Variants in SLC20A2 observed in about 807,000 individuals in gnomAD.
SLC20A2 encodes the protein solute carrier family 20 member 2, also known as sodium-dependent phosphate transporter 2.
A neutral mutation model predicts 61.0 loss-of-function variants in SLC20A2; 30 were observed. The observed-to-expected ratio is 0.49, with a 90% CI of 0.37 to 0.67. SLC20A2 has a LOEUF of 0.67. Ranked by LOEUF, SLC20A2 falls within the 30% of genes least tolerant of loss-of-function variation. SLC20A2 has a pLI of 0.00. For synonymous variants in SLC20A2, 351 were observed against 353.3 expected, an observed-to-expected ratio of 0.99 and a Z score of 0.07; for missense variants, 626 against 866.4, an observed-to-expected ratio of 0.72 and a Z score of 3.48.
At chr8:42,526,534 G>A (rs555217059) in intron 1 of SLC20A2, among the ~76,000 whole-genome samples, 3 of 152,002 alleles carry the variant, frequency 2.0e-5, no homozygotes, top group African/African-American at 4.8e-5. Flanking sequence ...TTAGCTGGGT[G>A]TGGTGGTGGG....
At chr8:42,536,936 G>A (rs761737374) in intron 1 of SLC20A2, among the ~76,000 whole-genome samples, 4 of 152,038 alleles carry the variant, frequency 2.6e-5, no homozygotes, top group Admixed American at 1.3e-4. Flanking sequence ...TTAGCTGGGC[G>A]TAGTGGCAAG....
intron 1 of SLC20A2, among the ~76,000 whole-genome samples, chr8:42,486,011 A>G (rs991917492): frequency 6.6e-6 from 1 of 152,014 alleles, no homozygotes; most frequent in Non-Finnish European, 1.5e-5. Flanking sequence ...GAGCTTTCTT[A>G]TAAACTGGAG....
upstream of SLC20A2, among the ~76,000 whole-genome samples, chr8:42,502,131 A>G (rs1810358415): frequency 6.6e-6 from 1 of 151,580 alleles, no homozygotes; most frequent in Non-Finnish European, 1.5e-5. Context: ...TCAAATCTCC[A>G]AGCATCTTTG....
chr8:42,487,097 T>G (rs1196463397), intron 1 of SLC20A2, among the ~76,000 whole-genome samples: 2 of 151,774 alleles, frequency 1.3e-5, no homozygotes, highest in Admixed American at 6.6e-5. Flanking sequence ...ACTCCTGACC[T>G]CAAGTGATCC....
upstream of SLC20A2, among the ~76,000 whole-genome samples, chr8:42,503,300 T>A (rs1225814648): frequency 1.3e-5 from 2 of 152,236 alleles, no homozygotes; most frequent in Non-Finnish European, 2.9e-5. Flanking sequence ...CAGAGTACCT[T>A]GAAAAGCAGA....
At chr8:42,525,364 T>C (rs1380472394) in intron 1 of SLC20A2, among the ~76,000 whole-genome samples, 1 of 151,966 alleles carries the variant, frequency 6.6e-6, no homozygotes, top group Non-Finnish European at 1.5e-5. Flanking sequence ...GGTGGATCAC[T>C]TGAGGTTGGG....
At position 42,518,065 on chromosome 8, in the gene SLC20A2, A is replaced by G. The variant is rs187397252; in HGVS notation, c.-265+23756T>C. On this transcript the variant is annotated intron_variant, in intron 1 of 10. Transcript: ENST00000342228. Reference sequence around the variant, plus strand: ...AAGCGATTCTCCTGCCTCAGCCTCCACAGTAGCTGGGACTACAGGTGCGTG... The same window carrying G: ...AAGCGATTCTCCTGCCTCAGCCTCCGCAGTAGCTGGGACTACAGGTGCGTG... 9.2e-5 allele frequency among the ~76,000 whole-genome samples: 14 copies of G among 152,204 alleles called. No homozygotes were observed. The East Asian group carries it at 2.5e-3, about 27-fold the overall frequency.
At chr8:42,514,036 G>A (rs548496331) in intron 1 of SLC20A2, among the ~76,000 whole-genome samples, 11 of 152,292 alleles carry the variant, frequency 7.2e-5, no homozygotes, top group African/African-American at 1.9e-4. Context: ...GATTGCTGGG[G>A]CCTACAAGCA....
At position 42,460,104 on chromosome 8, in the gene SLC20A2, G is replaced by A. The variant is rs1183521871; in HGVS notation, c.517-112C>T. 5 of 644,556 alleles carry A rather than the reference G, an allele frequency of 7.8e-6. No individual in the cohort carries two copies. The East Asian group carries it at 8.6e-5, about 11-fold the overall frequency. 39.9% of individuals were successfully genotyped at this position (644,556 alleles called of 1,614,324 possible). On this transcript the variant is annotated intron_variant, in intron 4 of 10. Transcript: ENST00000520262. ...TACAAGAAACTCTTCCCAAACCCCAGTGTGGCCAAAAGGATGGGCGTTGTC... is the reference window on the plus strand; with the variant it reads ...TACAAGAAACTCTTCCCAAACCCCAATGTGGCCAAAAGGATGGGCGTTGTC...
At chr8:42,524,659 G>A (rs570929979) in intron 1 of SLC20A2, among the ~76,000 whole-genome samples, 97 of 152,058 alleles carry the variant, frequency 6.4e-4, no homozygotes, top group African/African-American at 2.1e-3. Context: ...GGTGGCGAGC[G>A]CCTGTAATCC....
chr8:42,465,679 C>T, intron 3 of SLC20A2, 98 bp downstream of exon 3: 1 of 1,216,048 alleles, frequency 8.2e-7, no homozygotes, highest in Non-Finnish European at 1.1e-6. Context: ...AACAGAGTGA[C>T]ACTCCGGGTC....
At chr8:42,519,635 A>T (rs1811525033) in intron 1 of SLC20A2, among the ~76,000 whole-genome samples, 1 of 152,114 alleles carries the variant, frequency 6.6e-6, no homozygotes, top group South Asian at 2.1e-4. Flanking sequence ...TACAAAGAGC[A>T]CTTCCTTTAT....
chr8:42,459,259 A>AAC (rs1806510587), intron 5 of SLC20A2, among the ~76,000 whole-genome samples: 1 of 148,114 alleles, frequency 6.8e-6, no homozygotes, highest in African/African-American at 2.5e-5. Context: ...AAAAAAAAAA[A>AAC]CATAAAAAAT....
intron 1 of SLC20A2, chr8:42,538,297 A>C (rs1351670131): frequency 6.7e-6 from 1 of 149,584 alleles, no homozygotes; most frequent in Non-Finnish European, 1.5e-5. Flanking sequence ...TATATATTAT[A>C]CTGGATACCA....
chr8:42,444,178 G>T (rs7845666), intron 6 of SLC20A2, among the ~76,000 whole-genome samples: 18,268 of 152,106 alleles, frequency 0.12, 2,839 homozygotes, highest in African/African-American at 0.37. Context: ...AGTGTAAGGT[G>T]AACTTTATAA....
rs1464075006 is a variant in SLC20A2 at position 42,463,110 on chromosome 8, AT to A, written c.431-21del. ...AAGCAACTGAATAATTAAAAAAAAA[AT>A]CTAATGAATGTTAAAATTCATTCAT... On this transcript the variant is annotated intron_variant, in intron 3 of 10. Coordinates refer to ENST00000520262, the MANE Select transcript of SLC20A2 (RefSeq NM_001257180.2). 4 of 1,381,124 alleles carry A rather than the reference AT, an allele frequency of 2.9e-6. No homozygotes were observed. The highest frequency in any genetic ancestry group is 4.0e-6 in the Non-Finnish European group (4 of 993,288). 85.6% of individuals were successfully genotyped at this position (1,381,124 alleles called of 1,614,324 possible).
At chr8:42,441,074 C>T (rs1221387080) in intron 6 of SLC20A2, among the ~76,000 whole-genome samples, 2 of 151,936 alleles carry the variant, frequency 1.3e-5, no homozygotes, top group Non-Finnish European at 2.9e-5. Context: ...GTTGGGATTA[C>T]AGGCGTGAGC....
At chr8:42,493,244 A>G (rs144364621) in intron 1 of SLC20A2, among the ~76,000 whole-genome samples, 11 of 152,324 alleles carry the variant, frequency 7.2e-5, no homozygotes, top group African/African-American at 2.6e-4. Context: ...CAGGCACCAA[A>G]ACAGTTACCC....
At chr8:42,456,707 G>A (rs1183652424) in intron 5 of SLC20A2, among the ~76,000 whole-genome samples, 1 of 148,998 alleles carries the variant, frequency 6.7e-6, no homozygotes, top group South Asian at 2.2e-4. Flanking sequence ...ACTCCAGCCC[G>A]GGAGACAGTA....
Sources: gnomAD v4.1 joint callset for allele counts (sites outside exome capture counted in the v4.1 genomes callset) on GRCh38, gnomAD v4.1.1 for gene constraint, MANE v1.5 for transcripts, NCBI Gene and HGNC (gene_info 2026-07-23, HGNC 2026-07-21) for gene names.